Variants in RBFOX1 observed in about 807,000 individuals in gnomAD.
RBFOX1 encodes RNA binding protein fox-1 homolog 1.
Under a neutral mutation model 57.7 loss-of-function variants are expected in RBFOX1, and 8 were observed. The observed-to-expected ratio is 0.14, with a 90% CI of 0.08 to 0.25. The LOEUF (loss-of-function observed/expected upper bound fraction) is 0.25. RBFOX1 is among the 10% of genes least tolerant of loss of function. The pLI is 1.00. For synonymous variants in RBFOX1, 326 were observed against 222.4 expected, an observed-to-expected ratio of 1.47 and a Z score of -4.15; for missense variants, 611 against 548.5, an observed-to-expected ratio of 1.11 and a Z score of -1.14.
chr16:5,370,857 A>C (rs2065840676), intron 1 of RBFOX1, among the ~76,000 whole-genome samples: 1 of 152,122 alleles, frequency 6.6e-6, no homozygotes, highest in African/African-American at 2.4e-5. Flanking sequence ...TAGCAGGCAC[A>C]TGACTCCCCA....
At chr16:6,336,168 T>TTC (rs1307828051) in intron 2 of RBFOX1, among the ~76,000 whole-genome samples, 1 of 23,248 alleles carries the variant, frequency 4.3e-5, no homozygotes, top group Non-Finnish European at 9.1e-5. Context: ...TATATATATA[T>TTC]ATATATATAT....
intron 3 of RBFOX1, among the ~76,000 whole-genome samples, chr16:6,963,920 G>A (rs1052964053): frequency 1.3e-5 from 2 of 152,036 alleles, no homozygotes; most frequent in South Asian, 2.1e-4. Context: ...AGACGGTGTC[G>A]ATCTCCTGAC....
At chr16:6,648,626 G>A (rs1486109845) in intron 2 of RBFOX1, among the ~76,000 whole-genome samples, 2 of 152,044 alleles carry the variant, frequency 1.3e-5, no homozygotes, top group Non-Finnish European at 2.9e-5. Flanking sequence ...TGCATCGACG[G>A]GCCCTCACCC....
chr16:6,982,779 G>C (rs961402229), intron 3 of RBFOX1, among the ~76,000 whole-genome samples: 1 of 152,106 alleles, frequency 6.6e-6, no homozygotes, highest in Non-Finnish European at 1.5e-5. Flanking sequence ...GATCACCTGA[G>C]GTCAGGAGTT....
rs8054766 is a variant in RBFOX1 at position 6,666,708 on chromosome 16, T to G, written c.-16+12058T>G. On this transcript the variant is annotated intron_variant, in intron 3 of 15. Transcript: ENST00000550418. ...AGAAAATACGTCCCTTCTGTGCTCC[T>G]CATGCTCAGGGCCTGACACACAGGT... 1.2e-3 allele frequency among the ~76,000 whole-genome samples: 175 copies of G among 151,970 alleles called. 3 individuals are homozygous for G. Among genetic ancestry groups the G allele is most frequent in the Admixed American group, 8.9e-3 (136 of 15,270 alleles).
chr16:6,547,063 T>G (rs1269691565), intron 2 of RBFOX1, among the ~76,000 whole-genome samples: 1 of 152,230 alleles, frequency 6.6e-6, no homozygotes, highest in African/African-American at 2.4e-5. Flanking sequence ...TAGCTTTGCC[T>G]GCTGAAGCAG....
At chr16:6,881,450 G>T (rs1018083220) in intron 3 of RBFOX1, among the ~76,000 whole-genome samples, 1 of 152,118 alleles carries the variant, frequency 6.6e-6, no homozygotes, top group African/African-American at 2.4e-5. Context: ...TGAGCAAAGG[G>T]TCTGCTGCAG....
chr16:6,560,695 A>G (rs2097169029), intron 2 of RBFOX1, among the ~76,000 whole-genome samples: 1 of 152,194 alleles, frequency 6.6e-6, no homozygotes, highest in African/African-American at 2.4e-5. Context: ...GAACTTCTGC[A>G]TTGAAAATTG....
At chr16:6,045,337 T>A (rs1395403594) in intron 1 of RBFOX1, among the ~76,000 whole-genome samples, 1 of 152,212 alleles carries the variant, frequency 6.6e-6, no homozygotes, top group African/African-American at 2.4e-5. Context: ...GGGTGTTTGG[T>A]GATTTGAATC....
intron 3 of RBFOX1, among the ~76,000 whole-genome samples, chr16:6,794,883 G>T (rs140702631): frequency 2.6e-5 from 4 of 152,236 alleles, no homozygotes; most frequent in Admixed American, 6.5e-5. Context: ...AAAAAATGGA[G>T]GGAAGGCCTC....
At chr16:5,692,882 A>C (rs796700656) in intron 3 of RBFOX1, among the ~76,000 whole-genome samples, 1 of 152,238 alleles carries the variant, frequency 6.6e-6, no homozygotes, top group Admixed American at 6.5e-5. Flanking sequence ...AGAGGTATCA[A>C]AGGTGAAGAC....
At chr16:7,215,526 A>T (rs2091892384) in intron 4 of RBFOX1, among the ~76,000 whole-genome samples, 1 of 152,128 alleles carries the variant, frequency 6.6e-6, no homozygotes, top group Admixed American at 6.6e-5. Context: ...CACAGTGCAA[A>T]ATTCACCCAT....
At chr16:7,198,920 T>A (rs9925310) in intron 4 of RBFOX1, among the ~76,000 whole-genome samples, 1 of 151,960 alleles carries the variant, frequency 6.6e-6, no homozygotes. Context: ...TGTTCACAGT[T>A]TGCTCAGTAT....
At chr16:5,511,898 G>C (rs556173862) in intron 2 of RBFOX1, among the ~76,000 whole-genome samples, 44 of 152,292 alleles carry the variant, frequency 2.9e-4, no homozygotes, top group African/African-American at 1.0e-3. Context: ...AGTGTATAAA[G>C]TACCAGATAT....
intron 3 of RBFOX1, among the ~76,000 whole-genome samples, chr16:6,995,558 A>G (rs2092128238): frequency 6.6e-6 from 1 of 152,058 alleles, no homozygotes; most frequent in African/African-American, 2.4e-5. Flanking sequence ...TTAGGTCAGG[A>G]TCACCAGCAT....
At chr16:6,024,698 C>A in intron 1 of RBFOX1, among the ~76,000 whole-genome samples, 1 of 152,082 alleles carries the variant, frequency 6.6e-6, no homozygotes, top group East Asian at 1.9e-4. Context: ...CATGACTGGT[C>A]TTAAACGCCT....
At chr16:6,758,131 A>T (rs772799033) in intron 3 of RBFOX1, among the ~76,000 whole-genome samples, 1 of 152,072 alleles carries the variant, frequency 6.6e-6, no homozygotes, top group African/African-American at 2.4e-5. Context: ...GGGATTCATG[A>T]TTTTGAAACT....
intron 4 of RBFOX1, among the ~76,000 whole-genome samples, chr16:7,427,228 A>G (rs1308474972): frequency 6.6e-6 from 1 of 152,208 alleles, no homozygotes; most frequent in Admixed American, 6.6e-5. Context: ...ACAAACCTGC[A>G]TGTTGTGCAC....
chr16:5,681,631 G>C (rs902222380), intron 3 of RBFOX1, among the ~76,000 whole-genome samples: 2 of 151,854 alleles, frequency 1.3e-5, no homozygotes, highest in Non-Finnish European at 2.9e-5. Context: ...GACCTCAGGT[G>C]ATCCACCCAC....
Sources: gnomAD v4.1 joint callset for allele counts (sites outside exome capture counted in the v4.1 genomes callset) on GRCh38, gnomAD v4.1.1 for gene constraint, MANE v1.5 for transcripts, NCBI Gene and HGNC (gene_info 2026-07-23, HGNC 2026-07-21) for gene names.